Variants in RUFY3 observed in about 807,000 individuals in gnomAD.
RUFY3 encodes the protein RUN and FYVE domain containing 3.
Under a neutral mutation model 84.0 loss-of-function variants are expected in RUFY3, and 34 were observed. The observed-to-expected ratio is 0.40, with a 90% CI of 0.31 to 0.54. The LOEUF is 0.54. RUFY3 is among the 20% of genes least tolerant of loss of function. RUFY3 has a pLI of 0.39. For missense variants in RUFY3, 507 were observed against 736.8 expected (o/e 0.69, Z 3.61); for synonymous variants, 242 against 252.9 (o/e 0.96, Z 0.41).
In RUFY3 at chr4:70,726,159, G is replaced by A. The variant is rs184824986; in HGVS notation, c.178+3408G>A. 2.2e-3 allele frequency among the ~76,000 whole-genome samples: 335 copies of A among 152,218 alleles called. 1 individual carries two copies. The highest frequency in any genetic ancestry group is 7.7e-3 in the African/African-American group (320 of 41,540). Reference sequence around the variant, plus strand: ...AAGGTAGCAAGAGTGAACACCAAAGGAACAATCCCTGGAAAAGCAGAATGT... The same window carrying A: ...AAGGTAGCAAGAGTGAACACCAAAGAAACAATCCCTGGAAAAGCAGAATGT... On this transcript the variant is annotated intron_variant, in intron 1 of 17. Coordinates refer to ENST00000381006, the MANE Select transcript of RUFY3 (RefSeq NM_001037442.4).
intron 1 of RUFY3, among the ~76,000 whole-genome samples, chr4:70,737,225 AT>A (rs1262280444): frequency 6.6e-6 from 1 of 151,658 alleles, no homozygotes; most frequent in Non-Finnish European, 1.5e-5. Context: ...ACCTCATGAT[AT>A]TACTTTCTCT....
intron 1 of RUFY3, among the ~76,000 whole-genome samples, chr4:70,750,434 CTT>C (rs745776579): frequency 7.2e-5 from 11 of 152,204 alleles, no homozygotes; most frequent in Non-Finnish European, 1.5e-4. Flanking sequence ...TCAAATATGT[CTT>C]TTTATAGTTG....
Position 70,763,636 on chromosome 4 carries a change from T to A in RUFY3, c.437T>A (p.Ile146Lys). 6.2e-7 allele frequency: 1 copy of A among 1,612,292 alleles called. No homozygotes were observed. The highest frequency in any genetic ancestry group is 8.5e-7 in the Non-Finnish European group (1 of 1,178,674). Residue 146 changes from isoleucine to lysine, a missense_variant, in exon 3 of 18, where the codon ATA becomes AAA. By Grantham distance (102) the Ile-to-Lys change is moderately radical. This residue lies in a region of RUFY3 where 133 missense variants were observed against 301.1 expected (regional missense o/e 0.44). Coordinates refer to ENST00000381006, the MANE Select transcript of RUFY3 (RefSeq NM_001037442.4). ...VEKLVPEAAE[I>K]TASVKDLPGL... Reference sequence around the variant, plus strand: ...AAGCTTGTTCCAGAAGCCGCAGAGATAACAGCAAGTGTTAAAGATCTTCCA... The same window carrying A: ...AAGCTTGTTCCAGAAGCCGCAGAGAAAACAGCAAGTGTTAAAGATCTTCCA...
At chr4:70,736,420 A>G (rs28645152) in intron 1 of RUFY3, among the ~76,000 whole-genome samples, 10,011 of 152,214 alleles carry the variant, frequency 0.066, 868 homozygotes, top group African/African-American at 0.2. Context: ...GTTCACTTGC[A>G]AACTCAAAAT....
upstream of RUFY3, chr4:70,704,175 C>T (rs1739995261): frequency 1.3e-5 from 2 of 152,192 alleles, no homozygotes; most frequent in Non-Finnish European, 2.9e-5. Context: ...ACCCGCGGCA[C>T]TAGAAAACCA....
chr4:70,772,850 A>G (rs541924293), intron 5 of RUFY3, among the ~76,000 whole-genome samples: 9 of 152,108 alleles, frequency 5.9e-5, no homozygotes, highest in Non-Finnish European at 1.3e-4. Context: ...TAGTAGAGAC[A>G]GGGTTTCTCC....
exon 1 of RUFY3, chr4:70,705,276 A>G (rs1740149349): frequency 4.2e-6 from 6 of 1,429,820 alleles, no homozygotes; most frequent in Non-Finnish European, 4.6e-6. Context: ...CGGCGGCAGC[A>G]GCGGCAGCGG....
At chr4:70,738,690 C>T (rs1481662607) in intron 1 of RUFY3, among the ~76,000 whole-genome samples, 2 of 151,606 alleles carry the variant, frequency 1.3e-5, no homozygotes, top group Non-Finnish European at 2.9e-5. Flanking sequence ...ACTTCCATTG[C>T]ATTAGTAAAG....
chr4:70,799,774 C>T (rs1408253682), intron 14 of RUFY3: 2 of 217,202 alleles, frequency 9.2e-6, no homozygotes, highest in African/African-American at 2.4e-5. Flanking sequence ...TGTATATGGC[C>T]ATCCTTGGTT....
At chr4:70,741,502 A>G (rs1721313362) in intron 1 of RUFY3, 1 of 678,788 alleles carries the variant, frequency 1.5e-6, no homozygotes, top group Admixed American at 3.5e-5. Context: ...TGTGATAAGT[A>G]GAAAGAATCC....
intron 9 of RUFY3, 117 bp from the exon 10 acceptor site, chr4:70,784,679 G>C: frequency 1.9e-6 from 1 of 532,362 alleles, no homozygotes; most frequent in Non-Finnish European, 3.1e-6. Flanking sequence ...TGTTGTGTTT[G>C]TTCATTATTA....
exon 1 of RUFY3, chr4:70,705,100 C>T: frequency 1.4e-6 from 2 of 1,397,988 alleles, no homozygotes; most frequent in Non-Finnish European, 1.9e-6. Flanking sequence ...GCCGGGCAGT[C>T]GGAGCCCGAC....
intron 5 of RUFY3, among the ~76,000 whole-genome samples, chr4:70,769,667 A>G (rs974239408): frequency 1.3e-5 from 2 of 152,206 alleles, no homozygotes; most frequent in Non-Finnish European, 2.9e-5. Context: ...GTTTGACAGC[A>G]TTTTACCCAC....
chr4:70,804,156 T>G (rs1435421063), intron 16 of RUFY3, among the ~76,000 whole-genome samples, 192 bp from the exon 17 acceptor site: 4 of 152,136 alleles, frequency 2.6e-5, no homozygotes, highest in African/African-American at 9.7e-5. Context: ...TTATAAAAAT[T>G]AAGAGCTGGA....
chr4:70,782,348 G>A (rs1404977507), intron 8 of RUFY3, among the ~76,000 whole-genome samples: 21 of 148,392 alleles, frequency 1.4e-4, no homozygotes, highest in African/African-American at 2.2e-4. Flanking sequence ...GTGCAGTGGC[G>A]CGATCTTGAT....
chr4:70,716,619 A>G (rs1352833202), intron 1 of RUFY3, among the ~76,000 whole-genome samples: 1 of 152,038 alleles, frequency 6.6e-6, no homozygotes, highest in African/African-American at 2.4e-5. Flanking sequence ...CGAGATGGGC[A>G]GATCACCTGA....
chr4:70,733,666 G>A (rs1304659380), intron 1 of RUFY3, among the ~76,000 whole-genome samples: 1 of 152,158 alleles, frequency 6.6e-6, no homozygotes, highest in Non-Finnish European at 1.5e-5. Context: ...AATATTTGAT[G>A]TGTAGGGTAA....
intron 14 of RUFY3, 107 bp from the exon 15 acceptor site, chr4:70,800,034 G>A (rs1424778294): frequency 3.1e-6 from 3 of 965,884 alleles, no homozygotes; most frequent in East Asian, 2.8e-5. Flanking sequence ...AATAAAAAAA[G>A]CTACTTAGCT....
At chr4:70,755,908 G>A (rs1381515284) in intron 1 of RUFY3, among the ~76,000 whole-genome samples, 2 of 150,570 alleles carry the variant, frequency 1.3e-5, no homozygotes, top group African/African-American at 2.4e-5. Context: ...CTGAGATCAC[G>A]CCTCTGCACT....
Sources: gnomAD v4.1 joint callset for allele counts (sites outside exome capture counted in the v4.1 genomes callset) on GRCh38, gnomAD v4.1.1 for gene constraint, gnomAD v4.1.1 regional missense constraint, MANE v1.5 for transcripts, NCBI Gene and HGNC (gene_info 2026-07-23, HGNC 2026-07-21) for gene names.